CROCC: variants seen among roughly 807,000 people sequenced by gnomAD.
CROCC encodes ciliary rootlet coiled-coil, rootletin.
A neutral mutation model predicts 245.2 loss-of-function variants in CROCC; 180 were observed. The observed-to-expected ratio is 0.73, with a 90% CI of 0.65 to 0.83. The LOEUF (loss-of-function observed/expected upper bound fraction) is 0.83, where lower values mean the gene tolerates loss of function less well. Ranked by LOEUF, CROCC falls within the 40% of genes least tolerant of loss-of-function variation. The pLI, the probability that CROCC is intolerant of heterozygous loss-of-function variation, is 0.00. For missense variants in CROCC, 2,688 were observed against 2,779.4 expected, an observed-to-expected ratio of 0.97 and a Z score of 0.74; for synonymous variants, 1,205 against 1,241.6, an observed-to-expected ratio of 0.97 and a Z score of 0.62.
intron 23 of CROCC, 71 bp from the exon 24 acceptor site, chr1:16,955,241 C>T (rs1243170148): frequency 1.0e-5 from 15 of 1,475,870 alleles, no homozygotes; most frequent in African/African-American, 1.4e-5. Flanking sequence ...GTCCAGGGAT[C>T]TGGGGTACAA....
chr1:16,921,762 TCTC>T (rs1162645069), upstream of CROCC, among the ~76,000 whole-genome samples: 2 of 152,084 alleles, frequency 1.3e-5, no homozygotes, highest in South Asian at 2.1e-4. Flanking sequence ...TTCTCTCCCT[TCTC>T]CTCCCCTCTC....
At chr1:16,919,569 A>T (rs2075360963), upstream of CROCC, among the ~76,000 whole-genome samples, 1 of 152,282 alleles carries the variant, frequency 6.6e-6, no homozygotes, top group Non-Finnish European at 1.5e-5. Flanking sequence ...TGGGAACTTC[A>T]GGAGACTTGT....
At chr1:16,938,120 A>C (rs1252693975) in intron 10 of CROCC, among the ~76,000 whole-genome samples, 12 of 152,264 alleles carry the variant, frequency 7.9e-5, no homozygotes, top group Non-Finnish European at 7.3e-5. Flanking sequence ...CCCCCAGGGT[A>C]CAGCCTGGTT....
rs2075798907 is a variant in CROCC, at chr1:16,936,765, T to G, written c.1085T>G (p.Leu362Arg). ...GAGGCAGCCCTGGAGAAACAGGCCCTGCTGCAGGCCCAGCTGGAGGAGCAG... is the reference window on the plus strand; with the variant it reads ...GAGGCAGCCCTGGAGAAACAGGCCCGGCTGCAGGCCCAGCTGGAGGAGCAG... The part of the protein sequence containing the change: ...RAEAALEKQA[L>R]LQAQLEEQLR... Residue 362 changes from leucine (L) to arginine (R), a missense_variant, in exon 9 of 37, where the codon CTG becomes CGG. Transcript: ENST00000375541. 2.5e-6 allele frequency: 4 copies of G among 1,611,388 alleles called. No individual in the cohort carries two copies. Among genetic ancestry groups the G allele is most frequent in the Non-Finnish European group, 3.4e-6 (4 of 1,179,598 alleles).
At chr1:16,934,670 A>T (rs1322530895) in intron 8 of CROCC, among the ~76,000 whole-genome samples, 9 of 152,290 alleles carry the variant, frequency 5.9e-5, no homozygotes, top group Non-Finnish European at 1.3e-4. Context: ...CTTTTGATTA[A>T]GTCACATGTT....
chr1:16,936,655 A>C lies in CROCC; in HGVS notation c.975A>C (p.Gly325=). 1 of 1,592,632 alleles carries C rather than the reference A, an allele frequency of 6.3e-7. No homozygotes were observed. Among genetic ancestry groups the C allele is most frequent in the Non-Finnish European group, 8.6e-7 (1 of 1,168,852 alleles). Residue 325 remains glycine, a synonymous_variant, in exon 9 of 37, where the codon GGA becomes GGC. Coordinates refer to ENST00000375541, the MANE Select transcript of CROCC (RefSeq NM_014675.5). ...CCCGAAGGGACCTGCTGCAGCTGGGAGGGGAGCTGGCCCGGACATCACGAG... is the reference window on the plus strand; with the variant it reads ...CCCGAAGGGACCTGCTGCAGCTGGGCGGGGAGCTGGCCCGGACATCACGAG... The part of the protein sequence containing the change: ...MFTERDLLQL[G]GELARTSRAV...
In CROCC at chr1:16,958,720, C is replaced by T. The variant is rs370908579; in HGVS notation, c.4002C>T (p.Gly1334=). The T allele has an allele frequency of 3.7e-5, 58 of 1,561,864 alleles. No individual in the cohort carries two copies. The Middle Eastern group carries it at 7.8e-4, about 21-fold the overall frequency. ...GCCTCCGGCAGAGGCTGCTGAAGGGCGAGGCCAGCCTGGAGGTGATGCGGC... is the reference window on the plus strand; with the variant it reads ...GCCTCCGGCAGAGGCTGCTGAAGGGTGAGGCCAGCCTGGAGGTGATGCGGC... ...TLGLRQRLLK[G]EASLEVMRQE... The change falls in exon 26 of 37, where the codon GGC becomes GGT. Residue 1334 remains glycine, a synonymous_variant. Coordinates refer to ENST00000375541, the MANE Select transcript of CROCC (RefSeq NM_014675.5).
At chr1:16,916,183 C>CA (rs58710425) in intron 1 of CROCC, among the ~76,000 whole-genome samples, 8 of 107,974 alleles carry the variant, frequency 7.4e-5, no homozygotes, top group Middle Eastern at 4.9e-3. Flanking sequence ...GACTCTGCCT[C>CA]AAAAAAAAAG....
chr1:16,957,175 G>A (rs1459880168), intron 25 of CROCC, among the ~76,000 whole-genome samples: 5 of 152,200 alleles, frequency 3.3e-5, no homozygotes, highest in Non-Finnish European at 5.9e-5. Flanking sequence ...GGGAGGCCAA[G>A]TTGGGAGGAC....
At chr1:16,915,307 C>T (rs1252457692) in intron 1 of CROCC, among the ~76,000 whole-genome samples, 19 of 152,286 alleles carry the variant, frequency 1.2e-4, no homozygotes, top group African/African-American at 4.1e-4. Context: ...TATTACTTGG[C>T]TCTTAGCATT....
intron 24 of CROCC, 60 bp from the exon 25 acceptor site, chr1:16,955,937 G>A (rs1490625537): frequency 1.9e-6 from 3 of 1,541,318 alleles, no homozygotes; most frequent in African/African-American, 2.7e-5. Flanking sequence ...GACGGCTTTT[G>A]TGTAGAGCCA....
intron 13 of CROCC, among the ~76,000 whole-genome samples, chr1:16,943,719 C>G (rs1391991220): frequency 6.6e-6 from 1 of 152,288 alleles, no homozygotes; most frequent in African/African-American, 2.4e-5. Flanking sequence ...TCAGCTCTAT[C>G]AGGCTTCCCA....
rs772636770 is a variant in CROCC at position 16,939,001 on chromosome 1, C to A, written c.1467C>A (p.Gly489=). Residue 489 remains glycine, a synonymous_variant, in exon 12 of 37, where the codon GGC becomes GGA. Coordinates refer to ENST00000375541, the MANE Select transcript of CROCC (RefSeq NM_014675.5). Reference sequence around the variant, plus strand: ...ACGGCAGCCTGCGGGGGCTCTCGGGCCAGCGGACCCCGTCCCCACCGCGGC... The same window carrying A: ...ACGGCAGCCTGCGGGGGCTCTCGGGACAGCGGACCCCGTCCCCACCGCGGC... ...ASNGSLRGLS[G]QRTPSPPRRS... 1.2e-6 allele frequency: 2 copies of A among 1,603,536 alleles called. No homozygotes were observed. The highest frequency in any genetic ancestry group is 1.7e-6 in the Non-Finnish European group (2 of 1,176,664).
chr1:16,925,974 T>G (rs2075526287), intron 3 of CROCC, among the ~76,000 whole-genome samples: 1 of 152,246 alleles, frequency 6.6e-6, no homozygotes, highest in African/African-American at 2.4e-5. Context: ...GGCCGCCTCT[T>G]AAATGCCACC....
Position 16,961,127 on chromosome 1 carries a change from G to A in CROCC, c.4402G>A (p.Glu1468Lys), listed in dbSNP as rs1042291776. ...PGSPARDAPA[E>K]GSGEGLNSPS... The stretch of plus-strand genomic sequence containing the variant: ...TTCCCCTGCCCGGGACGCACCCGCA[G>A]AAGGTAAGGGCAGTGCCGCGCGCAG... Residue 1468 changes from glutamate (E) to lysine (K), a missense_variant, in exon 27 of 37, where the codon GAA (glutamate) becomes AAA (lysine). Around this residue, in one of 9 missense-constraint regions of CROCC, gnomAD observed 1,218 missense variants for 1,286.3 expected, o/e 0.95. Transcript: ENST00000375541. 2 of 1,347,464 alleles carry A rather than the reference G, an allele frequency of 1.5e-6. No homozygotes were observed. Among genetic ancestry groups the A allele is most frequent in the Admixed American group, 7.7e-5 (2 of 26,114 alleles). The allele number at this position is 1,347,464 out of a possible 1,614,324, so 83.5% of individuals were successfully genotyped here. A position where few individuals can be genotyped will look rare whatever the true frequency, so the allele number is the denominator to read the frequency against.
rs758205162 is a variant in CROCC, at chr1:16,938,947, C to T, written c.1413C>T (p.Ser471=). ...LSDSESGVQL[S]GSERTADASN... ...ACTCTGAGAGCGGCGTCCAGCTGAG[C>T]GGCTCTGAGCGCACCGCGGATGCTT... is the stretch of plus-strand genomic sequence containing the variant. The change falls in exon 12 of 37, where the codon AGC becomes AGT. Residue 471 remains serine (S), a synonymous_variant. Coordinates refer to ENST00000375541, the MANE Select transcript of CROCC (RefSeq NM_014675.5). The T allele has an allele frequency of 1.2e-6, 2 of 1,601,300 alleles. No individual in the cohort carries two copies. The highest frequency in any genetic ancestry group is 1.7e-6 in the Non-Finnish European group (2 of 1,176,718).
chr1:16,968,914 G>A (rs560495864), intron 31 of CROCC: 2 of 664,710 alleles, frequency 3.0e-6, no homozygotes, highest in South Asian at 1.7e-5. Context: ...GGCACTAGTA[G>A]TTAGCCAGCA....
upstream of CROCC, among the ~76,000 whole-genome samples, chr1:16,918,939 G>A (rs1365067623): frequency 5.3e-5 from 8 of 152,236 alleles, no homozygotes; most frequent in East Asian, 1.9e-4. Flanking sequence ...GTTTCACCAC[G>A]TTGGCCAGGC....
chr1:16,930,555 G>C lies in CROCC; in HGVS notation c.810G>C (p.Glu270Asp). Residue 270 changes from glutamate to aspartate, a missense_variant, in exon 7 of 37, where the codon GAG (glutamate) becomes GAC (aspartate). Coordinates refer to ENST00000375541, the MANE Select transcript of CROCC (RefSeq NM_014675.5). The part of the protein sequence containing the change: ...VTNDWTRCRK[E>D]LEHREAAWRR... ...ATGACTGGACACGCTGCCGCAAGGA[G>C]CTGGAGCACCGGGAGGCGGCGTGGA... 3.1e-6 allele frequency: 5 copies of C among 1,612,376 alleles called. No homozygotes were observed. The highest frequency in any genetic ancestry group is 1.1e-5 in the South Asian group (1 of 90,918).
Sources: gnomAD v4.1 joint callset for allele counts (sites outside exome capture counted in the v4.1 genomes callset) on GRCh38, gnomAD v4.1.1 for gene constraint, gnomAD v4.1.1 regional missense constraint, MANE v1.5 for transcripts, NCBI Gene and HGNC (gene_info 2026-07-23, HGNC 2026-07-21) for gene names.